NEURL1: variants seen among roughly 807,000 people sequenced by gnomAD.
NEURL1 encodes neuralized E3 ubiquitin protein ligase 1, also known as E3 ubiquitin-protein ligase NEURL1.
A neutral mutation model predicts 41.2 loss-of-function variants in NEURL1; 26 were observed. The observed-to-expected ratio is 0.63, with a 90% CI of 0.46 to 0.87. The LOEUF is 0.87. Ranked by LOEUF, NEURL1 falls within the 40% of genes least tolerant of loss-of-function variation. The pLI, the probability that NEURL1 is intolerant of heterozygous loss-of-function variation, is 0.00. For synonymous variants in NEURL1, 400 were observed against 402.3 expected, an observed-to-expected ratio of 0.99 and a Z score of 0.07; for missense variants, 761 against 871.1, an observed-to-expected ratio of 0.87 and a Z score of 1.59.
intron 1 of NEURL1, among the ~76,000 whole-genome samples, chr10:103,505,772 G>T (rs922274066): frequency 6.6e-6 from 1 of 152,216 alleles, no homozygotes; most frequent in Non-Finnish European, 1.5e-5. Flanking sequence ...AGGAGCTCAG[G>T]ACTGGCTCAG....
rs11191737 is a variant in NEURL1, at chr10:103,584,694, G to A, written c.808G>A (p.Gly270Ser). 316,861 of 1,441,492 alleles carry A rather than the reference G, an allele frequency of 0.22. 36,496 individuals carry two copies. Among genetic ancestry groups the A allele is most frequent in the South Asian group, 0.28 (20,137 of 71,540 alleles). The allele number at this position is 1,441,492 out of a possible 1,614,324, so 89.3% of individuals were successfully genotyped here. A position where few individuals can be genotyped will look rare whatever the true frequency, so the allele number is the denominator to read the frequency against. The change falls in exon 4 of 6, where the codon GGC becomes AGC. Residue 270 changes from glycine (G) to serine (S), a missense_variant. Coordinates refer to ENST00000369780, the MANE Select transcript of NEURL1 (RefSeq NM_004210.5). The part of the protein sequence containing the change: ...ADGDEAAPAA[G>S]CPIPQNSLNS... ...CGGCGACGAGGCCGCGCCGGCCGCC[G>A]GCTGCCCCATCCCGCAGAACTCACT...
intron 1 of NEURL1, among the ~76,000 whole-genome samples, chr10:103,539,261 A>G (rs1012959638): frequency 8.5e-5 from 13 of 152,210 alleles, no homozygotes; most frequent in Middle Eastern, 3.4e-3. Flanking sequence ...GCATTTTTTC[A>G]TGTGCTTATT....
intron 1 of NEURL1, among the ~76,000 whole-genome samples, chr10:103,500,857 T>A (rs1355384473): frequency 2.0e-5 from 3 of 152,212 alleles, no homozygotes; most frequent in Non-Finnish European, 4.4e-5. Context: ...CCCTCAAACC[T>A]GCGTGTTTAA....
At chr10:103,522,602 C>CAAAA (rs528719693) in intron 1 of NEURL1, among the ~76,000 whole-genome samples, 1 of 106,732 alleles carries the variant, frequency 9.4e-6, no homozygotes, top group Non-Finnish European at 1.9e-5. Flanking sequence ...AACTCCATTT[C>CAAAA]AAAAAAAAAA....
intron 1 of NEURL1, among the ~76,000 whole-genome samples, chr10:103,563,318 T>G (rs1288719873): frequency 6.6e-6 from 1 of 152,210 alleles, no homozygotes; most frequent in Non-Finnish European, 1.5e-5. Context: ...ATGATGAGCT[T>G]CATTTTACAG....
At chr10:103,498,858 AGCGT>A in intron 1 of NEURL1, among the ~76,000 whole-genome samples, 1 of 152,310 alleles carries the variant, frequency 6.6e-6, no homozygotes, top group Admixed American at 6.5e-5. Context: ...TCCATGTTGT[AGCGT>A]GCACCTTTTT....
chr10:103,569,854 T>TG (rs1158263728), intron 1 of NEURL1, among the ~76,000 whole-genome samples: 2 of 152,160 alleles, frequency 1.3e-5, no homozygotes, highest in African/African-American at 4.8e-5. Context: ...CTGGCTGGCC[T>TG]GGGGCTTCGG....
intron 4 of NEURL1, among the ~76,000 whole-genome samples, chr10:103,587,253 A>C (rs2035942224): frequency 1.3e-5 from 2 of 152,206 alleles, no homozygotes; most frequent in South Asian, 4.1e-4. Context: ...CATAAGAGTA[A>C]GGTACTTTCT....
chr10:103,526,039 A>G (rs2034452691), intron 1 of NEURL1, among the ~76,000 whole-genome samples: 1 of 152,106 alleles, frequency 6.6e-6, no homozygotes, highest in Non-Finnish European at 1.5e-5. Flanking sequence ...TTGATGTGAT[A>G]TATTGTGTTT....
At chr10:103,509,476 C>T (rs995820286) in intron 1 of NEURL1, among the ~76,000 whole-genome samples, 2 of 152,006 alleles carry the variant, frequency 1.3e-5, no homozygotes, top group African/African-American at 4.8e-5. Flanking sequence ...AGTGGTAACA[C>T]AAGGGTAAGT....
chr10:103,543,096 C>T (rs1013384299), intron 1 of NEURL1, among the ~76,000 whole-genome samples: 2 of 152,122 alleles, frequency 1.3e-5, no homozygotes, highest in African/African-American at 4.8e-5. Flanking sequence ...GCGCTCTGTC[C>T]CCTGCCGCTT....
At position 103,584,959 on chromosome 10, in the gene NEURL1, C is replaced by G; in HGVS notation, c.1073C>G (p.Thr358Ser). Residue 358 changes from threonine (T) to serine (S), a missense_variant, in exon 4 of 6, where the codon ACC becomes AGC. Thr to Ser is a moderately conservative substitution (Grantham distance 58, BLOSUM62 1). Coordinates refer to ENST00000369780, the MANE Select transcript of NEURL1 (RefSeq NM_004210.5). ...CCCGGCGCGCTGTCGTTCGGCGTCA[C>G]CACGTGCGACCCCGGCACGCTGCGG... ...ARPGALSFGV[T>S]TCDPGTLRPA... is the part of the protein sequence containing the mutation. 1.3e-6 allele frequency: 2 copies of G among 1,513,576 alleles called. No homozygotes were observed. Among genetic ancestry groups the G allele is most frequent in the Non-Finnish European group, 1.8e-6 (2 of 1,139,984 alleles). The allele number at this position is 1,513,576 out of a possible 1,614,324, so 93.8% of individuals were successfully genotyped here. A position where few individuals can be genotyped will look rare whatever the true frequency, so the allele number is the denominator to read the frequency against.
chr10:103,562,933 C>CAATCATCTCT (rs981285878), intron 1 of NEURL1, among the ~76,000 whole-genome samples: 4 of 152,206 alleles, frequency 2.6e-5, no homozygotes, highest in Non-Finnish European at 4.4e-5. Flanking sequence ...CCCAGTTTTA[C>CAATCATCTCT]AATCATCTCT....
At chr10:103,501,986 C>T (rs1003511641) in intron 1 of NEURL1, among the ~76,000 whole-genome samples, 1 of 152,136 alleles carries the variant, frequency 6.6e-6, no homozygotes, top group Non-Finnish European at 1.5e-5. Flanking sequence ...AGGCTAGATT[C>T]AAACTCCCGG....
At chr10:103,555,222 GGGGGCGCGT>G in intron 1 of NEURL1, 1 of 833,246 alleles carries the variant, frequency 1.2e-6, no homozygotes, top group Non-Finnish European at 1.5e-6. Flanking sequence ...GGGGGCGCGT[GGGGGCGCGT>G]GGGGGCGCGG....
chr10:103,533,750 A>C (rs1328912780), intron 1 of NEURL1, among the ~76,000 whole-genome samples: 6 of 152,078 alleles, frequency 3.9e-5, no homozygotes, highest in African/African-American at 1.2e-4. Flanking sequence ...GTTAGCCAGG[A>C]TGGTCTCGAT....
intron 3 of NEURL1, among the ~76,000 whole-genome samples, chr10:103,583,908 T>A (rs1367301970): frequency 6.6e-6 from 1 of 151,920 alleles, no homozygotes; most frequent in Non-Finnish European, 1.5e-5. Context: ...TTGTATGATT[T>A]AAAAAAGAAC....
chr10:103,568,362 T>A (rs2035468845), intron 1 of NEURL1, among the ~76,000 whole-genome samples: 1 of 152,136 alleles, frequency 6.6e-6, no homozygotes, highest in African/African-American at 2.4e-5. Flanking sequence ...GAGTCAGTGT[T>A]TTCTGTGCCG....
chr10:103,546,817 G>T (rs1003942040), intron 1 of NEURL1, among the ~76,000 whole-genome samples: 13 of 152,222 alleles, frequency 8.5e-5, no homozygotes, highest in African/African-American at 4.8e-5. Context: ...GGTCAGAGGT[G>T]GGGGGAGACC....
Sources: allele counts gnomAD v4.1 joint callset (sites outside exome capture counted in the v4.1 genomes callset), GRCh38; gene constraint gnomAD v4.1.1; transcripts MANE v1.5; gene names NCBI Gene and HGNC (gene_info 2026-07-23, HGNC 2026-07-21).